Variants in SPMIP8 observed in about 807,000 individuals in gnomAD.
SPMIP8 encodes the protein testicular tissue protein Li 196.
the SPMIP8 span, chr16:57,985,339 G>A: frequency 6.4e-7 from 1 of 1,563,578 alleles, no homozygotes; most frequent in African/African-American, 1.4e-5. Context: ...GCTTAAGCCG[G>A]GGGTTGAGGG....
chr16:57,985,843 C>T, the SPMIP8 span: 3 of 1,546,728 alleles, frequency 1.9e-6, no homozygotes, highest in Non-Finnish European at 2.6e-6. Flanking sequence ...CTCCCGAGGT[C>T]GAGTGAGGCG....
the SPMIP8 span, chr16:57,978,084 G>C: frequency 6.4e-7 from 1 of 1,569,362 alleles, no homozygotes; most frequent in Non-Finnish European, 8.7e-7. Context: ...GGGGCAGATG[G>C]TTTCAGGAAA....
chr16:57,984,212 T>A, the SPMIP8 span: 17 of 1,387,336 alleles, frequency 1.2e-5, no homozygotes, highest in East Asian at 2.3e-5. Context: ...CCTCAAAAAA[T>A]TTTTAAAGTA....
chr16:57,984,870 G>C, the SPMIP8 span: 2 of 1,516,074 alleles, frequency 1.3e-6, no homozygotes, highest in Non-Finnish European at 1.8e-6. Flanking sequence ...CTGGAGCAGG[G>C]AACGTGGACT....
the SPMIP8 span, chr16:57,977,785 G>A: frequency 6.3e-7 from 1 of 1,597,658 alleles, no homozygotes; most frequent in Non-Finnish European, 8.6e-7. Flanking sequence ...TGAGCCCAGG[G>A]TGAGCCCCTT....
chr16:57,984,499 G>A, the SPMIP8 span: 1 of 1,512,712 alleles, frequency 6.6e-7, no homozygotes, highest in Non-Finnish European at 9.0e-7. Flanking sequence ...ACCCCATCCG[G>A]GTTCACGACT....
At chr16:57,981,681 G>A in the SPMIP8 span, among the ~76,000 whole-genome samples, 2 of 151,240 alleles carry the variant, frequency 1.3e-5, no homozygotes, top group Non-Finnish European at 2.9e-5. Flanking sequence ...ACGCCCAGCT[G>A]ATTTTTGTAT....
the SPMIP8 span, among the ~76,000 whole-genome samples, chr16:57,982,467 G>A: frequency 6.6e-6 from 1 of 152,254 alleles, no homozygotes; most frequent in African/African-American, 2.4e-5. Context: ...GTGAATTTGA[G>A]CCACTGTTTC....
At chr16:57,985,328 G>T in the SPMIP8 span, 1 of 1,560,876 alleles carries the variant, frequency 6.4e-7, no homozygotes, top group Non-Finnish European at 8.7e-7. Flanking sequence ...GGTGGGGAGC[G>T]GCTTAAGCCG....
chr16:57,980,256 T>C, the SPMIP8 span, among the ~76,000 whole-genome samples: 1 of 152,090 alleles, frequency 6.6e-6, no homozygotes, highest in African/African-American at 2.4e-5. Flanking sequence ...ACATATTCAA[T>C]AGTTTATAGG....
At chr16:57,985,313 G>A in the SPMIP8 span, 8 of 1,557,050 alleles carry the variant, frequency 5.1e-6, no homozygotes, top group Non-Finnish European at 6.9e-6. Context: ...GGGAGCGGGG[G>A]TCCTGGTGGG....
the SPMIP8 span, chr16:57,986,107 C>A: frequency 2.5e-6 from 2 of 789,872 alleles, no homozygotes; most frequent in African/African-American, 1.8e-5. Context: ...TGGAGAGATC[C>A]GCCCCTGGCA....
At chr16:57,987,509 C>A in the SPMIP8 span, 2 of 1,459,336 alleles carry the variant, frequency 1.4e-6, no homozygotes, top group Non-Finnish European at 1.8e-6. Flanking sequence ...TATGGTGGCA[C>A]CAGCCATCTC....
the SPMIP8 span, chr16:57,984,902 G>T: frequency 2.1e-6 from 3 of 1,451,966 alleles, no homozygotes; most frequent in South Asian, 4.2e-5. Context: ...CGCAGGCGGC[G>T]GGCCAGGCAG....
At chr16:57,978,000 C>G in the SPMIP8 span, 35 of 1,614,046 alleles carry the variant, frequency 2.2e-5, no homozygotes, top group Non-Finnish European at 2.8e-5. Context: ...GGCCTGCCTT[C>G]CTGATGAGCA....
the SPMIP8 span, chr16:57,977,842 C>T: frequency 3.1e-6 from 5 of 1,613,788 alleles, no homozygotes; most frequent in Admixed American, 3.3e-5. Context: ...GACCTGGTGC[C>T]CTGGGACGAT....
the SPMIP8 span, chr16:57,985,118 C>A: frequency 1.5e-6 from 2 of 1,327,040 alleles, no homozygotes; most frequent in South Asian, 1.6e-5. Context: ...GTGGGCGGGG[C>A]TGGATTGTGG....
the SPMIP8 span, chr16:57,984,957 G>A: frequency 8.1e-7 from 1 of 1,241,224 alleles, no homozygotes; most frequent in Non-Finnish European, 1.1e-6. Context: ...ACTTGCGGTG[G>A]GTGGAGCCGA....
the SPMIP8 span, chr16:57,987,382 A>G: frequency 3.2e-6 from 5 of 1,586,368 alleles, no homozygotes; most frequent in Admixed American, 7.1e-5. Flanking sequence ...CCTCACCCCT[A>G]CTTCTCTCCA....
Sources: allele counts gnomAD v4.1 joint callset (sites outside exome capture counted in the v4.1 genomes callset), GRCh38; gene constraint gnomAD v4.1.1; transcripts MANE v1.5; gene names NCBI Gene and HGNC (gene_info 2026-07-23, HGNC 2026-07-21).